Variants in NKAIN2 observed in about 807,000 individuals in gnomAD.
NKAIN2 encodes the protein sodium/potassium transporting ATPase interacting 2, also known as sodium/potassium-transporting ATPase subunit beta-1-interacting protein 2.
In NKAIN2, 14 loss-of-function variants were observed where a neutral mutation model predicts 32.6. The ratio of observed to expected loss-of-function variants is 0.43; its 90% confidence interval spans 0.28 to 0.67. The LOEUF (loss-of-function observed/expected upper bound fraction) is 0.67. Ranked by LOEUF, NKAIN2 falls within the 30% of genes least tolerant of loss-of-function variation. NKAIN2 has a pLI of 0.17. For missense variants in NKAIN2, 198 were observed against 258.3 expected (o/e 0.77, Z 1.60); for synonymous variants, 80 against 87.2 (o/e 0.92, Z 0.46).
At chr6:123,875,952 G>A (rs1453248789) in intron 1 of NKAIN2, among the ~76,000 whole-genome samples, 3 of 152,050 alleles carry the variant, frequency 2.0e-5, no homozygotes, top group Admixed American at 2.0e-4. Context: ...ACCCCAGGAA[G>A]TTTCAGGGCA....
intron 1 of NKAIN2, among the ~76,000 whole-genome samples, chr6:124,181,078 C>G (rs1789424308): frequency 6.6e-6 from 1 of 152,184 alleles, no homozygotes; most frequent in Admixed American, 6.5e-5. Flanking sequence ...GAAATCTAGG[C>G]AGAGGTTCCC....
At chr6:124,721,199 G>A (rs1223296053) in intron 4 of NKAIN2, among the ~76,000 whole-genome samples, 5 of 152,008 alleles carry the variant, frequency 3.3e-5, no homozygotes, top group African/African-American at 1.2e-4. Context: ...GGAGGATCAC[G>A]AGGTCAGGAG....
intron 3 of NKAIN2, among the ~76,000 whole-genome samples, chr6:124,396,734 G>T (rs1278946061): frequency 2.0e-5 from 3 of 152,152 alleles, no homozygotes; most frequent in Non-Finnish European, 4.4e-5. Flanking sequence ...TTAGAATTAT[G>T]TGTGGGAGAG....
intron 2 of NKAIN2, among the ~76,000 whole-genome samples, chr6:124,317,481 T>G (rs1485027999): frequency 1.3e-5 from 2 of 152,082 alleles, no homozygotes; most frequent in Non-Finnish European, 2.9e-5. Context: ...AAAGACAGGA[T>G]GGGAAAGATG....
At chr6:124,683,874 C>T (rs889954679) in intron 4 of NKAIN2, among the ~76,000 whole-genome samples, 3 of 152,168 alleles carry the variant, frequency 2.0e-5, no homozygotes, top group African/African-American at 7.2e-5. Flanking sequence ...GTATAGGATT[C>T]AGCATATTGT....
chr6:124,736,492 A>T (rs1776947817), intron 4 of NKAIN2, among the ~76,000 whole-genome samples: 1 of 151,940 alleles, frequency 6.6e-6, no homozygotes, highest in Admixed American at 6.6e-5. Context: ...CCATAGCTAG[A>T]CAGAAGTCAA....
intron 1 of NKAIN2, among the ~76,000 whole-genome samples, chr6:123,889,423 C>T (rs1582721292): frequency 1.3e-5 from 2 of 152,090 alleles, no homozygotes; most frequent in Admixed American, 6.5e-5. Context: ...TTGCTCTGCC[C>T]GAACTTAGGT....
At chr6:124,722,355 C>A (rs1218238562) in intron 4 of NKAIN2, among the ~76,000 whole-genome samples, 1 of 152,134 alleles carries the variant, frequency 6.6e-6, no homozygotes, top group Non-Finnish European at 1.5e-5. Flanking sequence ...CTAGATGATA[C>A]AGCATTTTAT....
intron 1 of NKAIN2, among the ~76,000 whole-genome samples, chr6:124,082,493 T>G (rs536401364): frequency 1.3e-5 from 2 of 152,186 alleles, no homozygotes; most frequent in South Asian, 4.1e-4. Context: ...GTCTTTTGAT[T>G]GTTTTGTTTT....
At chr6:124,507,531 C>A (rs929212477) in intron 3 of NKAIN2, among the ~76,000 whole-genome samples, 3 of 152,056 alleles carry the variant, frequency 2.0e-5, no homozygotes, top group Non-Finnish European at 4.4e-5. Context: ...TCTTTAATTG[C>A]ATCTAAACAT....
chr6:123,916,864 TCTAC>T (rs536387906), intron 1 of NKAIN2, among the ~76,000 whole-genome samples: 25 of 151,860 alleles, frequency 1.6e-4, no homozygotes, highest in Non-Finnish European at 2.9e-4. Context: ...CTATCTGTCA[TCTAC>T]CTACCTACCT....
intron 3 of NKAIN2, among the ~76,000 whole-genome samples, chr6:124,605,475 G>A (rs1782464067): frequency 6.6e-6 from 1 of 152,024 alleles, no homozygotes; most frequent in Non-Finnish European, 1.5e-5. Flanking sequence ...GTGGTAAATT[G>A]AATATAATTA....
chr6:124,043,409 C>T (rs769354552), intron 1 of NKAIN2, among the ~76,000 whole-genome samples: 6 of 151,926 alleles, frequency 3.9e-5, no homozygotes, highest in African/African-American at 1.2e-4. Context: ...AGTGCTAAAA[C>T]GTTCTCAGAT....
At chr6:124,108,099 T>C (rs1301128770) in intron 1 of NKAIN2, among the ~76,000 whole-genome samples, 3 of 152,128 alleles carry the variant, frequency 2.0e-5, no homozygotes, top group Non-Finnish European at 4.4e-5. Context: ...ACCCCCACAC[T>C]GTTTGCCATA....
chr6:124,116,422 G>A (rs1785618371), intron 1 of NKAIN2, among the ~76,000 whole-genome samples: 1 of 152,076 alleles, frequency 6.6e-6, no homozygotes, highest in Non-Finnish European at 1.5e-5. Flanking sequence ...CTTCTAAGAT[G>A]TTTGTGTAAT....
chr6:124,495,934 G>T (rs756326030), intron 3 of NKAIN2, among the ~76,000 whole-genome samples: 1 of 152,102 alleles, frequency 6.6e-6, no homozygotes, highest in African/African-American at 2.4e-5. Flanking sequence ...GAGTTGGCAC[G>T]ATGTACATAA....
intron 1 of NKAIN2, among the ~76,000 whole-genome samples, chr6:124,081,612 T>C (rs1783970782): frequency 2.0e-5 from 3 of 152,092 alleles, no homozygotes; most frequent in Non-Finnish European, 4.4e-5. Flanking sequence ...CTTATTACTT[T>C]CAGTAAAGGA....
chr6:124,265,341 A>C (rs1470611906), intron 1 of NKAIN2, among the ~76,000 whole-genome samples: 1 of 152,186 alleles, frequency 6.6e-6, no homozygotes, highest in African/African-American at 2.4e-5. Context: ...TAGAAATATT[A>C]GAATATAGAA....
chr6:124,633,465 T>C (rs1269546073), intron 3 of NKAIN2, among the ~76,000 whole-genome samples: 1 of 152,192 alleles, frequency 6.6e-6, no homozygotes, highest in African/African-American at 2.4e-5. Flanking sequence ...GTATTTCATT[T>C]CTTCTCCAAT....
Sources: gnomAD v4.1 joint callset for allele counts (sites outside exome capture counted in the v4.1 genomes callset) on GRCh38, gnomAD v4.1.1 for gene constraint, MANE v1.5 for transcripts, NCBI Gene and HGNC (gene_info 2026-07-23, HGNC 2026-07-21) for gene names.